Variants in SLC26A8 observed in about 807,000 individuals in gnomAD.
SLC26A8 encodes the protein testis anion transporter 1.
A neutral mutation model predicts 105.0 loss-of-function variants in SLC26A8; 70 were observed. That is an observed-to-expected ratio of 0.67 (90% CI 0.55 to 0.81). The LOEUF (loss-of-function observed/expected upper bound fraction) is 0.81, where lower values mean the gene tolerates loss of function less well. Among genes scored for constraint, SLC26A8 ranks in the 40% least tolerant of loss-of-function variants. The pLI, the probability that SLC26A8 is intolerant of heterozygous loss-of-function variation, is 0.00. For missense variants in SLC26A8, 998 were observed against 1,181.8 expected (o/e 0.84, Z 2.28); for synonymous variants, 415 against 438.3 (o/e 0.95, Z 0.66).
At chr6:35,949,780 CT>C (rs1466073348) in intron 19 of SLC26A8, among the ~76,000 whole-genome samples, 1 of 151,652 alleles carries the variant, frequency 6.6e-6, no homozygotes, top group Non-Finnish European at 1.5e-5. Flanking sequence ...TTTTTATTAA[CT>C]ACCAGTTAAC....
chr6:35,984,471 CA>C (rs1354426303), intron 7 of SLC26A8, among the ~76,000 whole-genome samples: 1 of 151,862 alleles, frequency 6.6e-6, no homozygotes, highest in African/African-American at 2.4e-5. Flanking sequence ...TACAGGCGTG[CA>C]CCACTATGCC....
chr6:35,967,959 T>G (rs1772585035), intron 11 of SLC26A8, among the ~76,000 whole-genome samples: 1 of 152,142 alleles, frequency 6.6e-6, no homozygotes, highest in Non-Finnish European at 1.5e-5. Context: ...GCGATTCTCC[T>G]GCCTCAGCCT....
Position 35,943,773 on chromosome 6 carries a change from AG to A in SLC26A8, c.*126del. ...AGAGCAAGGAAGAAGGCTGGCAGGT[AG>A]TAGGAGTCACAGTCAGGAAGGAAGT... On this transcript the variant is annotated 3_prime_UTR_variant, in exon 20 of 20. Transcript: ENST00000490799. The A allele has an allele frequency of 7.4e-7, 1 of 1,350,180 alleles. No individual in the cohort carries two copies. Among genetic ancestry groups the A allele is most frequent in the Non-Finnish European group, 1.0e-6 (1 of 1,002,492 alleles). 83.6% of individuals were successfully genotyped at this position (1,350,180 alleles called of 1,614,324 possible).
chr6:35,970,582 G>T (rs1772753237), intron 10 of SLC26A8, among the ~76,000 whole-genome samples: 1 of 152,214 alleles, frequency 6.6e-6, no homozygotes, highest in Non-Finnish European at 1.5e-5. Flanking sequence ...TCTAGCTTCA[G>T]TTGGCCTTTG....
chr6:35,981,211 AC>A lies in SLC26A8; in HGVS notation c.1025+909del, dbSNP rs754619576. ...TAAGGTTAAAAAAAATAATTTCCTA[AC>A]AGAAGCAAGAGCCATGCCTCATAGT... On this transcript the variant is annotated intron_variant, in intron 8 of 19. Transcript: ENST00000490799. This position sits in a 1 kb window ranked among gnomAD's most constrained non-coding sequence, Gnocchi z 4.0. Among the ~76,000 whole-genome samples, 1 of 152,194 alleles carries A rather than the reference AC, an allele frequency of 6.6e-6. No homozygotes were observed. Among genetic ancestry groups the A allele is most frequent in the African/African-American group, 2.4e-5 (1 of 41,448 alleles).
chr6:35,957,306 G>A (rs1459293198), intron 16 of SLC26A8, among the ~76,000 whole-genome samples: 1 of 150,954 alleles, frequency 6.6e-6, no homozygotes, highest in Non-Finnish European at 1.5e-5. Flanking sequence ...TTGCTAGAGT[G>A]GTGTAATTCT....
At chr6:35,982,845 GA>G (rs1773333387) in intron 7 of SLC26A8, among the ~76,000 whole-genome samples, 1 of 152,086 alleles carries the variant, frequency 6.6e-6, no homozygotes, top group East Asian at 1.9e-4. Context: ...ATTGCACAAA[GA>G]AAAAGTTCTG....
At position 35,969,241 on chromosome 6, in the gene SLC26A8, C is replaced by A. The variant is rs1772683835; in HGVS notation, c.1288-287G>T. 2.4e-5 allele frequency: 8 copies of A among 329,850 alleles called. No homozygotes were observed. The South Asian group carries it at 2.6e-4, about 11-fold the overall frequency. 20.4% of individuals were successfully genotyped at this position (329,850 alleles called of 1,614,324 possible). On this transcript the variant is annotated intron_variant, in intron 10 of 19. Transcript: ENST00000490799. ...ACTGCCACTGCTCTGTGCTATGAAT[C>A]TGAATTCTCCTAAAATCTGATTTGC... is the stretch of plus-strand genomic sequence containing the variant.
chr6:35,951,871 C>G (rs1440042073), intron 17 of SLC26A8, among the ~76,000 whole-genome samples: 1 of 152,232 alleles, frequency 6.6e-6, no homozygotes, highest in Admixed American at 6.5e-5. Context: ...CCACTGCACC[C>G]AGCCAATTAG....
chr6:35,980,413 T>C (rs191451655), intron 8 of SLC26A8, among the ~76,000 whole-genome samples: 204 of 152,342 alleles, frequency 1.3e-3, no homozygotes, highest in Non-Finnish European at 2.4e-3. Flanking sequence ...TGCTAAGTAA[T>C]TTAAACATGG....
intron 2 of SLC26A8, among the ~76,000 whole-genome samples, chr6:36,013,472 T>C (rs764624104): frequency 8.5e-5 from 13 of 152,184 alleles, no homozygotes; most frequent in Admixed American, 1.3e-4. Flanking sequence ...TAAGCCACCG[T>C]GCCTGGCCCG....
intron 2 of SLC26A8, among the ~76,000 whole-genome samples, chr6:36,019,115 G>A (rs748467757): frequency 1.3e-5 from 2 of 151,996 alleles, no homozygotes; most frequent in African/African-American, 2.4e-5. Context: ...TAGTAGAGAC[G>A]GGGTTTCACC....
intron 2 of SLC26A8, among the ~76,000 whole-genome samples, chr6:36,013,857 T>C (rs923789827): frequency 6.6e-6 from 1 of 152,198 alleles, no homozygotes; most frequent in African/African-American, 2.4e-5. Flanking sequence ...TGTTTTACTG[T>C]TACAACTATG....
Position 36,004,037 on chromosome 6 carries a change from T to C in SLC26A8, c.329-3929A>G, listed in dbSNP as rs1200277575. ...TTTAATTTGCTCCCATTTTGAACTT[T>C]ATATTAAGAGTTATACTGAACACAA... On this transcript the variant is annotated intron_variant, in intron 3 of 19. Transcript: ENST00000490799. Among the ~76,000 whole-genome samples, 4 of 151,748 alleles carry C rather than the reference T, an allele frequency of 2.6e-5. No homozygotes were observed. The South Asian group carries it at 8.3e-4, about 32-fold the overall frequency.
intron 7 of SLC26A8, among the ~76,000 whole-genome samples, chr6:35,991,316 A>G (rs1761145097): frequency 6.6e-6 from 1 of 150,892 alleles, no homozygotes; most frequent in Non-Finnish European, 1.5e-5. Context: ...AGGCAAGAGA[A>G]TTGCTTGAAC....
Position 35,951,511 on chromosome 6 carries a change from G to C in SLC26A8, c.2233-12C>G. The C allele has an allele frequency of 6.2e-7, 1 of 1,614,054 alleles. No homozygotes were observed. The highest frequency in any genetic ancestry group is 8.5e-7 in the Non-Finnish European group (1 of 1,179,966). On this transcript the variant is annotated splice_polypyrimidine_tract_variant and intron_variant, in intron 17 of 19. Transcript: ENST00000490799. ...AAGGCATTGCATATCTGTGGGGGGA[G>C]AGAAAACCAGTATCAGAAGGCTTTA...
At chr6:35,975,339 T>G in intron 10 of SLC26A8, 36 bp downstream of exon 10, 1 of 1,198,376 alleles carries the variant, frequency 8.3e-7, no homozygotes, top group Non-Finnish European at 1.2e-6. Flanking sequence ...TATGAATATG[T>G]TTATGTATTA....
intron 10 of SLC26A8, chr6:35,969,697 G>C (rs1435395467): frequency 6.6e-6 from 1 of 151,664 alleles, no homozygotes; most frequent in Non-Finnish European, 1.5e-5. Flanking sequence ...TCTCCTGTTT[G>C]CTGCTTGGGT....
chr6:35,995,890 G>A (rs1477171708), intron 5 of SLC26A8, among the ~76,000 whole-genome samples: 1 of 152,082 alleles, frequency 6.6e-6, no homozygotes, highest in African/African-American at 2.4e-5. Flanking sequence ...TAATTAAAAG[G>A]TTGCTTGTGT....
Sources: allele counts gnomAD v4.1 joint callset (sites outside exome capture counted in the v4.1 genomes callset), GRCh38; gene constraint gnomAD v4.1.1; non-coding constraint Gnocchi (gnomAD v3.1); transcripts MANE v1.5; gene names NCBI Gene and HGNC (gene_info 2026-07-23, HGNC 2026-07-21).